Variants in ZDHHC11B observed in about 807,000 individuals in gnomAD.
The protein encoded by ZDHHC11B is probable palmitoyltransferase ZDHHC11B.
Under a neutral mutation model 42.3 loss-of-function variants are expected in ZDHHC11B, and 17 were observed. The observed-to-expected ratio is 0.40, with a 90% confidence interval of 0.27 to 0.60. The LOEUF is 0.60. Among genes scored for constraint, ZDHHC11B ranks in the 20% least tolerant of loss-of-function variants. The pLI is 0.41. For missense variants in ZDHHC11B, 262 were observed against 463.2 expected (o/e 0.57, Z 3.99); for synonymous variants, 123 against 193.5 (o/e 0.64, Z 3.02).
intron 9 of ZDHHC11B, among the ~76,000 whole-genome samples, chr5:743,623 C>T (rs1220211648): frequency 6.7e-6 from 1 of 149,536 alleles, no homozygotes; most frequent in Admixed American, 6.8e-5. Flanking sequence ...CATATTTGCC[C>T]AAGGTTTGTT....
intron 12 of ZDHHC11B, among the ~76,000 whole-genome samples, chr5:720,352 A>G (rs1742090937): frequency 6.6e-6 from 1 of 151,802 alleles, no homozygotes; most frequent in Non-Finnish European, 1.5e-5. Flanking sequence ...AGGAGGCTCA[A>G]AGGCAGTGGG....
chr5:766,607 G>A, intron 4 of ZDHHC11B, 91 bp downstream of exon 4: 2 of 1,352,724 alleles, frequency 1.5e-6, no homozygotes, highest in Non-Finnish European at 2.0e-6. Context: ...GGTGCCACCG[G>A]GCAGCCATGG....
In ZDHHC11B at chr5:766,094, C is replaced by T. The variant is rs147863610; in HGVS notation, c.222+604G>A. Among the ~76,000 whole-genome samples, 280 of 151,886 alleles carry T rather than the reference C, an allele frequency of 1.8e-3. 1 individual carries two copies. The highest frequency in any genetic ancestry group is 6.5e-3 in the African/African-American group (270 of 41,338). On this transcript the variant is annotated intron_variant, in intron 4 of 13. Transcript: ENST00000508859. ...TTTCTCAACTGAATGCCATGGTCAG[C>T]TGGAGGTAGTGCAGAGCCCACATGC...
intron 8 of ZDHHC11B, among the ~76,000 whole-genome samples, chr5:747,101 G>T (rs1412626337): frequency 1.1e-5 from 1 of 90,352 alleles, no homozygotes; most frequent in African/African-American, 3.5e-5. Context: ...ATTCTAGAAA[G>T]TACTTTTAAA....
At chr5:718,934 A>G (rs1472239875) in intron 12 of ZDHHC11B, among the ~76,000 whole-genome samples, 1 of 151,744 alleles carries the variant, frequency 6.6e-6, no homozygotes, top group Non-Finnish European at 1.5e-5. Flanking sequence ...ATCAATACAG[A>G]GGCTTGCCTT....
chr5:777,770 C>T (rs543156983), intron 1 of ZDHHC11B, among the ~76,000 whole-genome samples: 4 of 152,098 alleles, frequency 2.6e-5, no homozygotes, highest in African/African-American at 7.2e-5. Flanking sequence ...CTTTCTCTAT[C>T]GGATCCTGAG....
At position 716,952 on chromosome 5, in the gene ZDHHC11B, A is replaced by G. The variant is rs1741798502; in HGVS notation, c.1059-87T>C. On this transcript the variant is annotated intron_variant, in intron 12 of 13. Coordinates refer to ENST00000508859, the MANE Select transcript of ZDHHC11B (RefSeq NM_001351303.2). ...GCCAAAGTGCACAAAATGTGTAAAC[A>G]AGAGTACATTTTAGAGATTAGCTTG... 7.6e-6 allele frequency: 12 copies of G among 1,586,868 alleles called. No homozygotes were observed. The Middle Eastern group carries it at 8.3e-4, about 110-fold the overall frequency.
At chr5:759,966 G>A (rs1194131124) in intron 4 of ZDHHC11B, among the ~76,000 whole-genome samples, 1 of 152,026 alleles carries the variant, frequency 6.6e-6, no homozygotes, top group South Asian at 2.1e-4. Flanking sequence ...TGCAGCCGGG[G>A]ATGCCGTCCT....
intron 13 of ZDHHC11B, among the ~76,000 whole-genome samples, chr5:714,266 C>A (rs879683311): frequency 2.8e-3 from 385 of 137,640 alleles, no homozygotes; most frequent in Admixed American, 4.4e-3. Context: ...CTGTATTCCA[C>A]GATCTTTAAA....
intron 3 of ZDHHC11B, 54 bp from the exon 4 acceptor site, chr5:766,973 C>T: frequency 1.3e-6 from 2 of 1,580,858 alleles, no homozygotes; most frequent in Non-Finnish European, 1.7e-6. Flanking sequence ...GAGGGCCGGC[C>T]CCACCCACTG....
rs189998430 is a variant in ZDHHC11B at position 737,278 on chromosome 5, C to T, written c.936-3439G>A. ...ATTAAATCAGGAAGAAATAGAAACTCGTAACAGATTAATAACAAGTAGCGA... is the reference window on the plus strand; with the variant it reads ...ATTAAATCAGGAAGAAATAGAAACTTGTAACAGATTAATAACAAGTAGCGA... On this transcript the variant is annotated intron_variant, in intron 10 of 13. Coordinates refer to ENST00000508859, the MANE Select transcript of ZDHHC11B (RefSeq NM_001351303.2). Among the ~76,000 whole-genome samples, 492 of 147,758 alleles carry T rather than the reference C, an allele frequency of 3.3e-3. 37 individuals carry two copies. The highest frequency in any genetic ancestry group is 0.016 in the South Asian group (73 of 4,484).
intron 1 of ZDHHC11B, among the ~76,000 whole-genome samples, chr5:772,253 C>G (rs1315874601): frequency 6.7e-6 from 1 of 149,402 alleles, no homozygotes; most frequent in Non-Finnish European, 1.5e-5. Flanking sequence ...GGCCCCTGCG[C>G]CCCTGCTGGG....
chr5:772,961 G>GA (rs1561199919), intron 1 of ZDHHC11B, among the ~76,000 whole-genome samples: 1 of 151,924 alleles, frequency 6.6e-6, no homozygotes, highest in South Asian at 2.1e-4. Context: ...ATGACAGAAT[G>GA]AATTAGGCAC....
chr5:730,111 C>G (rs1434701664), intron 12 of ZDHHC11B, among the ~76,000 whole-genome samples: 7 of 151,744 alleles, frequency 4.6e-5, no homozygotes, highest in Non-Finnish European at 8.8e-5. Flanking sequence ...AGATCTGACT[C>G]TCAATGAAAC....
intron 4 of ZDHHC11B, among the ~76,000 whole-genome samples, chr5:764,242 CG>C (rs1461395520): frequency 6.6e-6 from 1 of 151,984 alleles, no homozygotes; most frequent in Non-Finnish European, 1.5e-5. Context: ...TGGCAGCCCT[CG>C]CTCACTCTCG....
intron 1 of ZDHHC11B, among the ~76,000 whole-genome samples, chr5:775,340 T>A (rs1321650165): frequency 6.6e-6 from 1 of 151,860 alleles, no homozygotes; most frequent in African/African-American, 2.4e-5. Context: ...AGTCTCCTCA[T>A]CCTTGAAGGG....
At chr5:775,940 G>A (rs566021148) in intron 1 of ZDHHC11B, among the ~76,000 whole-genome samples, 2 of 144,520 alleles carry the variant, frequency 1.4e-5, no homozygotes, top group East Asian at 4.0e-4. Context: ...CCCAGGCCCT[G>A]CAGGTGGGAG....
intron 12 of ZDHHC11B, 111 bp downstream of exon 12, chr5:730,323 T>G: frequency 2.3e-6 from 3 of 1,310,206 alleles, no homozygotes; most frequent in Non-Finnish European, 3.1e-6. Flanking sequence ...CTTTCCCTTA[T>G]GTCATCAGAA....
At chr5:784,625 C>A (rs1292275094) in intron 1 of ZDHHC11B, among the ~76,000 whole-genome samples, 43 bp downstream of exon 1, 1 of 151,714 alleles carries the variant, frequency 6.6e-6, no homozygotes, top group African/African-American at 2.4e-5. Flanking sequence ...CCCCGGGTGC[C>A]CCCCGCGCCG....
Sources: allele counts gnomAD v4.1 joint callset (sites outside exome capture counted in the v4.1 genomes callset), GRCh38; gene constraint gnomAD v4.1.1; transcripts MANE v1.5; gene names NCBI Gene and HGNC (gene_info 2026-07-23, HGNC 2026-07-21).